CPLX1: variants seen among roughly 807,000 people sequenced by gnomAD.
The protein encoded by CPLX1 is complexin 1.
CPLX1 carries 6 observed loss-of-function variants against 15.6 expected under a neutral mutation model. That is an observed-to-expected ratio of 0.39 (90% CI 0.21 to 0.76). The LOEUF (loss-of-function observed/expected upper bound fraction) is 0.76, where lower values mean the gene tolerates loss of function less well. CPLX1 is among the 30% of genes least tolerant of loss of function. The pLI, the probability that CPLX1 is intolerant of heterozygous loss-of-function variation, is 0.43. For missense variants in CPLX1, 242 were observed against 188.6 expected (o/e 1.28, Z -1.66); for synonymous variants, 91 against 75.2 (o/e 1.21, Z -1.08).
At chr4:825,461 ACTT>A (rs1314141565) in intron 1 of CPLX1, among the ~76,000 whole-genome samples, 2 of 150,098 alleles carry the variant, frequency 1.3e-5, no homozygotes, top group Non-Finnish European at 3.0e-5. Context: ...TCTCCTCCAA[ACTT>A]CTCCCCTGGC....
At chr4:796,024 C>A (rs1360645846) in intron 2 of CPLX1, among the ~76,000 whole-genome samples, 1 of 152,188 alleles carries the variant, frequency 6.6e-6, no homozygotes, top group East Asian at 1.9e-4. Flanking sequence ...GCTCCCGAGA[C>A]GCCCAGGCAG....
intron 2 of CPLX1, among the ~76,000 whole-genome samples, chr4:824,175 G>A (rs1746926636): frequency 6.6e-6 from 1 of 152,238 alleles, no homozygotes; most frequent in Non-Finnish European, 1.5e-5. Context: ...ACGCCAGAGT[G>A]TGCACCCTCC....
At chr4:819,229 T>G (rs1746816424) in intron 2 of CPLX1, among the ~76,000 whole-genome samples, 1 of 152,218 alleles carries the variant, frequency 6.6e-6, no homozygotes, top group African/African-American at 2.4e-5. Context: ...CATAAATAAC[T>G]TTGTCAGTTG....
chr4:804,538 G>T (rs1462412776), intron 2 of CPLX1, among the ~76,000 whole-genome samples: 2 of 151,868 alleles, frequency 1.3e-5, no homozygotes, highest in Non-Finnish European at 2.9e-5. Context: ...GTACGGTTTT[G>T]GAAAGACATG....
chr4:798,625 G>A (rs1746391013), intron 2 of CPLX1, among the ~76,000 whole-genome samples: 1 of 152,176 alleles, frequency 6.6e-6, no homozygotes, highest in Admixed American at 6.5e-5. Flanking sequence ...TCGAACTCCT[G>A]GGCTCAAGTG....
At chr4:821,163 C>A (rs1419638872) in intron 2 of CPLX1, among the ~76,000 whole-genome samples, 2 of 152,242 alleles carry the variant, frequency 1.3e-5, no homozygotes, top group Admixed American at 6.5e-5. Flanking sequence ...AGGCTGTCGC[C>A]CCCCAGGTTG....
chr4:786,638 A>C lies in CPLX1; in HGVS notation c.268T>G (p.Ser90Ala), dbSNP rs1200534828. The C allele has an allele frequency of 1.9e-6, 3 of 1,611,130 alleles. No homozygotes were observed. Among genetic ancestry groups the C allele is most frequent in the Admixed American group, 1.7e-5 (1 of 59,878 alleles). Residue 90 changes from serine to alanine, a missense_variant, in exon 4 of 4, where the codon TCC becomes GCC. Physicochemically the swap from Ser to Ala is moderately conservative, Grantham distance 99. Coordinates refer to ENST00000304062, the MANE Select transcript of CPLX1 (RefSeq NM_006651.4). The stretch of plus-strand genomic sequence containing the variant: ...TTGGGCCGCGTCAAGCTCCCCTCGG[A>C]GTTGGCCTCCATGGCGGCCTGGGCC... Reference protein sequence around the residue: ...AEAQAAMEANSEGSLTRPKKA... With the variant: ...AEAQAAMEANAEGSLTRPKKA...
At chr4:789,014 C>T (rs751501069) in intron 3 of CPLX1, among the ~76,000 whole-genome samples, 8 of 152,196 alleles carry the variant, frequency 5.3e-5, no homozygotes, top group Non-Finnish European at 8.8e-5. Flanking sequence ...GAAGGAGACC[C>T]CAGGCCCTGC....
chr4:815,909 CA>C (rs1331754586), intron 2 of CPLX1, among the ~76,000 whole-genome samples: 3 of 152,056 alleles, frequency 2.0e-5, no homozygotes, highest in Non-Finnish European at 4.4e-5. Flanking sequence ...ATCTCATCAT[CA>C]AAAAGTTGAC....
rs561906315 is a variant in CPLX1, at chr4:821,375, G to A, written c.31+3117C>T. Among the ~76,000 whole-genome samples the A allele has an allele frequency of 4.6e-4, 70 of 152,246 alleles. 1 individual carries two copies. In the East Asian group the frequency reaches 0.011, roughly 24 times the overall value. Reference sequence around the variant, plus strand: ...TCCCACTCTGCACCCCAGCCTCTCCGCACATGCATCCTCCAAGCCGTGTCC... The same window carrying A: ...TCCCACTCTGCACCCCAGCCTCTCCACACATGCATCCTCCAAGCCGTGTCC... On this transcript the variant is annotated intron_variant, in intron 2 of 3. Transcript: ENST00000304062.
chr4:792,397 C>T (rs1357904078), intron 3 of CPLX1, 36 bp downstream of exon 3: 1 of 1,490,402 alleles, frequency 6.7e-7, no homozygotes, highest in South Asian at 1.3e-5. Flanking sequence ...GGACTCAGGG[C>T]CGCCTTCCCG....
chr4:790,131 AG>A (rs1746127019), intron 3 of CPLX1, among the ~76,000 whole-genome samples: 1 of 151,998 alleles, frequency 6.6e-6, no homozygotes, highest in Admixed American at 6.5e-5. Context: ...GGCTCTGTGG[AG>A]GAGGACTCTG....
At chr4:792,921 G>A (rs962742077) in intron 2 of CPLX1, among the ~76,000 whole-genome samples, 2 of 152,210 alleles carry the variant, frequency 1.3e-5, no homozygotes, top group Admixed American at 6.6e-5. Context: ...GTGTGACTGC[G>A]TGCTTATGCG....
chr4:812,186 T>G (rs28398931), intron 2 of CPLX1, among the ~76,000 whole-genome samples: 2,354 of 152,268 alleles, frequency 0.015, 58 homozygotes, highest in African/African-American at 0.054. Context: ...ATGATTCTCC[T>G]GCCTCAGCCT....
chr4:810,942 C>T (rs1746656978), intron 2 of CPLX1, among the ~76,000 whole-genome samples: 1 of 152,086 alleles, frequency 6.6e-6, no homozygotes, highest in African/African-American at 2.4e-5. Context: ...GGTGATCCGC[C>T]CGCCTCAGCC....
intron 2 of CPLX1, among the ~76,000 whole-genome samples, chr4:815,410 C>CAAAA (rs71166897): frequency 1.5e-3 from 136 of 92,452 alleles, no homozygotes; most frequent in East Asian, 4.2e-3. Flanking sequence ...GACTCCGTCT[C>CAAAA]AAAAAAAAAA....
chr4:800,251 G>T (rs1746423991), intron 2 of CPLX1, among the ~76,000 whole-genome samples: 1 of 152,100 alleles, frequency 6.6e-6, no homozygotes, highest in East Asian at 1.9e-4. Flanking sequence ...AACAGTTTGA[G>T]TTTTTCTTAA....
rs187490047 is a variant in CPLX1 at position 788,580 on chromosome 4, C to T, written c.208-1882G>A. ...GGCGACACCCAGAGGGCCCTGCAGG[C>T]CCAGAACAAAGCCCTGACCCTGTGG... On this transcript the variant is annotated intron_variant, in intron 3 of 3. Coordinates refer to ENST00000304062, the MANE Select transcript of CPLX1 (RefSeq NM_006651.4). 6.9e-5 allele frequency: 68 copies of T among 985,476 alleles called. No individual in the cohort carries two copies. The Admixed American group carries it at 9.2e-4, about 13-fold the overall frequency. 61.0% of individuals were successfully genotyped at this position (985,476 alleles called of 1,614,324 possible).
intron 2 of CPLX1, among the ~76,000 whole-genome samples, chr4:811,131 T>C (rs752826908): frequency 1.2e-4 from 18 of 152,116 alleles, no homozygotes; most frequent in South Asian, 2.1e-4. Context: ...TCCCAAGTAG[T>C]TCAGACAACA....
Sources: allele counts gnomAD v4.1 joint callset (sites outside exome capture counted in the v4.1 genomes callset), GRCh38; gene constraint gnomAD v4.1.1; transcripts MANE v1.5; gene names NCBI Gene and HGNC (gene_info 2026-07-23, HGNC 2026-07-21).